ABCC4: variants seen among roughly 807,000 people sequenced by gnomAD.
The protein encoded by ABCC4 is ATP binding cassette subfamily C member 4 (PEL blood group), also known as ATP-binding cassette sub-family C member 4.
ABCC4 carries 102 observed loss-of-function variants against 168.5 expected under a neutral mutation model. The ratio of observed to expected loss-of-function variants is 0.61; its 90% CI spans 0.52 to 0.71. ABCC4 has a LOEUF of 0.71. ABCC4 is among the 30% of genes least tolerant of loss of function. The pLI, the probability that ABCC4 is intolerant of heterozygous loss-of-function variation, is 0.00. For missense variants in ABCC4, 1,402 were observed against 1,605.8 expected (o/e 0.87, Z 2.17); for synonymous variants, 617 against 590.7 (o/e 1.04, Z -0.65).
chr13:95,149,390 T>C (rs929048809), intron 19 of ABCC4, among the ~76,000 whole-genome samples: 24 of 152,190 alleles, frequency 1.6e-4, no homozygotes, highest in African/African-American at 5.3e-4. Flanking sequence ...TGCTAAGTAA[T>C]AGGGAGTATA....
chr13:95,126,791 T>C (rs1221452919), intron 19 of ABCC4, among the ~76,000 whole-genome samples: 1 of 132,660 alleles, frequency 7.5e-6, no homozygotes, highest in Non-Finnish European at 1.6e-5. Flanking sequence ...ACCAAATATA[T>C]ATATTTATAT....
chr13:95,081,049 C>A (rs1266823894), intron 21 of ABCC4, among the ~76,000 whole-genome samples: 1 of 152,176 alleles, frequency 6.6e-6, no homozygotes, highest in Non-Finnish European at 1.5e-5. Context: ...CCAACCAGCC[C>A]CCGTGGTTGG....
rs2040144939 is a variant in ABCC4 at position 95,247,731 on chromosome 13, T to C, written c.97A>G (p.Ile33Val). The C allele has an allele frequency of 6.2e-7, 1 of 1,613,908 alleles. No individual in the cohort carries two copies. Among genetic ancestry groups the C allele is most frequent in the South Asian group, 1.1e-5 (1 of 91,076 alleles). Residue 33 changes from isoleucine (I) to valine (V), a missense_variant, in exon 2 of 31, where the codon ATT (isoleucine) becomes GTT (valine). By Grantham distance (29) the Ile-to-Val change is conservative. This residue lies in a region of ABCC4 where 317 missense variants were observed against 345.5 expected (regional missense o/e 0.92). Coordinates refer to ENST00000645237, the MANE Select transcript of ABCC4 (RefSeq NM_005845.5). ...TCCTCTAATCTCCGTTTATGGCCAA[T>C]TTTAAACAAGGGATTGAGCCACCTG... ...FFWWLNPLFK[I>V]GHKRRLEEDD...
At chr13:95,029,314 G>A (rs1024669727) in intron 30 of ABCC4, among the ~76,000 whole-genome samples, 2 of 146,346 alleles carry the variant, frequency 1.4e-5, no homozygotes, top group Non-Finnish European at 1.5e-5. Context: ...AATAAAATGA[G>A]GTAACTATAT....
chr13:95,235,928 T>G (rs1334806126), intron 3 of ABCC4, among the ~76,000 whole-genome samples: 1 of 152,306 alleles, frequency 6.6e-6, no homozygotes, highest in East Asian at 1.9e-4. Flanking sequence ...GGTCCTGGTT[T>G]TGAAGCAATA....
intron 9 of ABCC4, among the ~76,000 whole-genome samples, chr13:95,193,942 G>T (rs2038338456): frequency 6.6e-6 from 1 of 152,204 alleles, no homozygotes; most frequent in Admixed American, 6.5e-5. Context: ...CCATCCCCCA[G>T]CTAGGGAAGA....
intron 20 of ABCC4, among the ~76,000 whole-genome samples, chr13:95,113,157 T>C (rs553160387): frequency 6.6e-6 from 1 of 152,126 alleles, no homozygotes; most frequent in Non-Finnish European, 1.5e-5. Context: ...TGAGTCAAAG[T>C]AGACAAAATT....
intron 27 of ABCC4, among the ~76,000 whole-genome samples, chr13:95,051,368 AAAC>A (rs771113816): frequency 2.6e-5 from 4 of 152,134 alleles, no homozygotes; most frequent in Non-Finnish European, 4.4e-5. Context: ...CACCAATTCA[AAAC>A]AACAACAATA....
At position 95,187,018 on chromosome 13, in the gene ABCC4, G is replaced by T. The variant is rs58854964; in HGVS notation, c.1354-126C>A. On this transcript the variant is annotated intron_variant, in intron 10 of 30. Transcript: ENST00000645237. ...CATTCATTCATTTAAAAGAGCACAGGAAGTTGTGATTAAAAATTGGAAATA... is the reference window on the plus strand; with the variant it reads ...CATTCATTCATTTAAAAGAGCACAGTAAGTTGTGATTAAAAATTGGAAATA... 15,278 of 755,272 alleles carry T rather than the reference G, an allele frequency of 0.02. 1,615 individuals carry two copies. The African/African-American group carries it at 0.23, about 12-fold the overall frequency. 46.8% of individuals were successfully genotyped at this position (755,272 alleles called of 1,614,324 possible). A position where few individuals can be genotyped will look rare whatever the true frequency, so the allele number is the denominator to read the frequency against.
chr13:95,179,510 C>A (rs1480302128), intron 11 of ABCC4, among the ~76,000 whole-genome samples: 1 of 152,112 alleles, frequency 6.6e-6, no homozygotes, highest in Non-Finnish European at 1.5e-5. Flanking sequence ...AATAAGTTGA[C>A]AAAGCATAAT....
chr13:95,287,339 A>G (rs1378115465), intron 1 of ABCC4, among the ~76,000 whole-genome samples: 1 of 151,922 alleles, frequency 6.6e-6, no homozygotes, highest in Non-Finnish European at 1.5e-5. Context: ...CTCTAATCCC[A>G]GCACTTTGGG....
At chr13:95,286,240 C>T (rs2041254203) in intron 1 of ABCC4, among the ~76,000 whole-genome samples, 1 of 148,482 alleles carries the variant, frequency 6.7e-6, no homozygotes, top group South Asian at 2.2e-4. Context: ...CTGTCTCAGC[C>T]TCCCCAGAAG....
chr13:95,109,716 T>C (rs996321297), intron 20 of ABCC4, among the ~76,000 whole-genome samples: 2 of 152,188 alleles, frequency 1.3e-5, no homozygotes, highest in African/African-American at 4.8e-5. Context: ...GCTGAGACCT[T>C]AACCATTCTC....
At position 95,163,116 on chromosome 13, in the gene ABCC4, C is replaced by T; in HGVS notation, c.2308+6G>A. 6.3e-7 allele frequency: 1 copy of T among 1,599,594 alleles called. No individual in the cohort carries two copies. Among genetic ancestry groups the T allele is most frequent in the Non-Finnish European group, 8.6e-7 (1 of 1,167,152 alleles). On this transcript the variant is annotated splice_donor_region_variant and intron_variant, in intron 18 of 30. Coordinates refer to ENST00000645237, the MANE Select transcript of ABCC4 (RefSeq NM_005845.5). Reference sequence around the variant, plus strand: ...TCATACAATACACCAAATGATTAAACTTTACCTGAATAAATTCCTAAGTAC... The same window carrying T: ...TCATACAATACACCAAATGATTAAATTTTACCTGAATAAATTCCTAAGTAC...
chr13:95,136,983 TTTTAC>T (rs1259692414), intron 19 of ABCC4, among the ~76,000 whole-genome samples: 4 of 152,192 alleles, frequency 2.6e-5, no homozygotes, highest in Non-Finnish European at 5.9e-5. Context: ...TTATGCAACA[TTTTAC>T]TTTACATGGT....
chr13:95,175,232 T>C (rs1338443385), intron 13 of ABCC4, among the ~76,000 whole-genome samples: 1 of 152,190 alleles, frequency 6.6e-6, no homozygotes, highest in Non-Finnish European at 1.5e-5. Flanking sequence ...GACTGAACCA[T>C]GCTCCCCTCA....
chr13:95,064,297 TAC>T (rs1260159679), intron 25 of ABCC4, among the ~76,000 whole-genome samples: 60 of 105,330 alleles, frequency 5.7e-4, no homozygotes, highest in African/African-American at 1.0e-3. Flanking sequence ...TATATATATA[TAC>T]ACACACACAC....
intron 29 of ABCC4, among the ~76,000 whole-genome samples, chr13:95,036,338 T>C (rs1411845755): frequency 6.6e-6 from 1 of 152,190 alleles, no homozygotes; most frequent in Admixed American, 6.5e-5. Flanking sequence ...CTTTACATAA[T>C]GTTTAATGGA....
chr13:95,273,311 G>A (rs1353359991), intron 1 of ABCC4, among the ~76,000 whole-genome samples: 1 of 152,184 alleles, frequency 6.6e-6, no homozygotes, highest in Non-Finnish European at 1.5e-5. Flanking sequence ...AGGTTCAGGT[G>A]CGAGTGTGTT....
Sources: gnomAD v4.1 joint callset for allele counts (sites outside exome capture counted in the v4.1 genomes callset) on GRCh38, gnomAD v4.1.1 for gene constraint, gnomAD v4.1.1 regional missense constraint, MANE v1.5 for transcripts, NCBI Gene and HGNC (gene_info 2026-07-23, HGNC 2026-07-21) for gene names.